The following HMCES variants were observed in gnomAD, a reference collection of about 807,000 sequenced individuals.
HMCES encodes the protein 5-hydroxymethylcytosine binding, ES cell specific, also known as abasic site processing protein HMCES.
HMCES carries 27 observed loss-of-function variants against 35.1 expected under a neutral mutation model. The ratio of observed to expected loss-of-function variants is 0.77; its 90% confidence interval spans 0.57 to 1.06. HMCES has a LOEUF of 1.06. Ranked by LOEUF, HMCES falls within the 50% of genes least tolerant of loss-of-function variation. HMCES has a pLI of 0.00. For missense variants in HMCES, 391 were observed against 430.4 expected, an observed-to-expected ratio of 0.91 and a Z score of 0.81; for synonymous variants, 130 against 154.7, an observed-to-expected ratio of 0.84 and a Z score of 1.18.
chr3:129,290,883 C>T (rs951975242), intron 4 of HMCES, 79 bp downstream of exon 4: 1 of 1,389,230 alleles, frequency 7.2e-7, no homozygotes, highest in African/African-American at 1.5e-5. Flanking sequence ...TTTTTTCTTC[C>T]CCATAGTTTT....
At chr3:129,280,572 T>C (rs1940445954) in intron 2 of HMCES, among the ~76,000 whole-genome samples, 1 of 152,258 alleles carries the variant, frequency 6.6e-6, no homozygotes, top group Non-Finnish European at 1.5e-5. Context: ...CAGACTTCTC[T>C]AGGCCTAGGA....
In HMCES at chr3:129,279,411, G is replaced by T. The variant is rs936405123; in HGVS notation, c.-23-299G>T. On this transcript the variant is annotated intron_variant, in intron 1 of 6. Coordinates refer to ENST00000383463, the MANE Select transcript of HMCES (RefSeq NM_020187.3). This position sits in a 1 kb window ranked among gnomAD's most constrained non-coding sequence, Gnocchi z 4.2. Reference sequence around the variant, plus strand: ...GAGGCGACCCCAGCTAGCTGCGCTTGCCCTGCTTCGCTGGACTGTGAAGCC... The same window carrying T: ...GAGGCGACCCCAGCTAGCTGCGCTTTCCCTGCTTCGCTGGACTGTGAAGCC... 1.3e-5 allele frequency among the ~76,000 whole-genome samples: 2 copies of T among 152,212 alleles called. No individual in the cohort carries two copies. Among genetic ancestry groups the T allele is most frequent in the African/African-American group, 2.4e-5 (1 of 41,476 alleles).
intron 2 of HMCES, among the ~76,000 whole-genome samples, chr3:129,288,611 G>A (rs1940705269): frequency 6.6e-6 from 1 of 151,154 alleles, no homozygotes; most frequent in Admixed American, 6.6e-5. Context: ...GTGGGAGGAT[G>A]GCTTGAGCCA....
chr3:129,290,577 C>A, intron 3 of HMCES, 102 bp from the exon 4 acceptor site: 1 of 1,325,020 alleles, frequency 7.5e-7, no homozygotes, highest in Admixed American at 1.9e-5. Context: ...AGCCACCCGC[C>A]TGGCCCAAAC....
At chr3:129,295,446 C>CA (rs569218866) in intron 4 of HMCES, among the ~76,000 whole-genome samples, 19 of 145,882 alleles carry the variant, frequency 1.3e-4, no homozygotes, top group South Asian at 1.1e-3. Flanking sequence ...AAAAAAAAAA[C>CA]AAAAAAAACC....
At chr3:129,290,624 C>T (rs2071001571) in intron 3 of HMCES, 55 bp from the exon 4 acceptor site, 3 of 1,566,194 alleles carry the variant, frequency 1.9e-6, no homozygotes, top group South Asian at 2.3e-5. Context: ...GTAATGGCAG[C>T]CTGTGAAACA....
In HMCES at chr3:129,279,660, C is replaced by G; in HGVS notation, c.-23-50C>G. 6.5e-7 allele frequency: 1 copy of G among 1,550,136 alleles called. No individual in the cohort carries two copies. The highest frequency in any genetic ancestry group is 1.9e-5 in the Admixed American group (1 of 53,766). On this transcript the variant is annotated intron_variant, in intron 1 of 6. Transcript: ENST00000383463. The surrounding 1 kb of genome is among the most constrained non-coding windows in gnomAD (Gnocchi z 4.2). Reference sequence around the variant, plus strand: ...GAAGGCGGGGACTCAAGGAATAAGACCTAATATTTGAGATACGTAAGCCTT... The same window carrying G: ...GAAGGCGGGGACTCAAGGAATAAGAGCTAATATTTGAGATACGTAAGCCTT...
At chr3:129,294,982 C>G (rs1327563283) in intron 4 of HMCES, among the ~76,000 whole-genome samples, 2 of 151,698 alleles carry the variant, frequency 1.3e-5, no homozygotes, top group African/African-American at 4.8e-5. Context: ...ACGGTGAAAC[C>G]CCATCTCTAC....
intron 6 of HMCES, among the ~76,000 whole-genome samples, chr3:129,302,750 A>G (rs2071185025): frequency 6.6e-6 from 1 of 152,056 alleles, no homozygotes. Context: ...GCAGTGGCTC[A>G]TGCCTGTAAT....
chr3:129,284,855 T>C (rs976321023), intron 2 of HMCES, among the ~76,000 whole-genome samples: 6 of 152,192 alleles, frequency 3.9e-5, no homozygotes, highest in East Asian at 1.9e-4. Context: ...GAGGTTGCAT[T>C]GAGCTGAGAT....
intron 2 of HMCES, 22 bp from the exon 3 acceptor site, chr3:129,288,819 TATGATCTCCTCAC>T: frequency 7.1e-7 from 1 of 1,417,286 alleles, no homozygotes. Flanking sequence ...AGAATTTCAT[TATGATCTCCTCAC>T]TAGATCTTCT....
At chr3:129,289,382 T>G (rs1940734491) in intron 3 of HMCES, among the ~76,000 whole-genome samples, 2 of 152,246 alleles carry the variant, frequency 1.3e-5, no homozygotes, top group Middle Eastern at 6.8e-3. Context: ...AGCTCGAGGG[T>G]GTCAGGGTAG....
rs1433992823 is a variant in HMCES, at chr3:129,304,821, A to G, written c.1061A>G (p.Gln354Arg). The G allele has an allele frequency of 6.2e-7, 1 of 1,613,486 alleles. No homozygotes were observed. The highest frequency in any genetic ancestry group is 1.3e-5 in the African/African-American group (1 of 74,934). ...EEPVAKRPYS[Q>R] ...CCTGTGGCCAAGCGTCCTTACAGCC[A>G]GTGACACAGGACTTTCAGAGACCAA... The change falls in exon 7 of 7, where the codon CAG becomes CGG. Residue 354 changes from glutamine to arginine, a missense_variant. Physicochemically the swap from Gln to Arg is conservative, Grantham distance 43. Coordinates refer to ENST00000383463, the MANE Select transcript of HMCES (RefSeq NM_020187.3).
At chr3:129,303,229 G>A (rs1306104311) in intron 6 of HMCES, among the ~76,000 whole-genome samples, 1 of 152,166 alleles carries the variant, frequency 6.6e-6, no homozygotes, top group Admixed American at 6.5e-5. Context: ...TTTAGGAGTA[G>A]TGATTGTTTT....
chr3:129,289,061 C>T, intron 3 of HMCES, 64 bp downstream of exon 3: 2 of 1,325,056 alleles, frequency 1.5e-6, no homozygotes, highest in Non-Finnish European at 2.0e-6. Context: ...AGGGTGTTTC[C>T]ATCCTAGCCT....
chr3:129,296,026 T>C (rs1205880033), intron 4 of HMCES, among the ~76,000 whole-genome samples: 3 of 152,190 alleles, frequency 2.0e-5, no homozygotes, highest in African/African-American at 7.2e-5. Flanking sequence ...TTTCTTTTTT[T>C]CTTCTCTGTT....
intron 2 of HMCES, among the ~76,000 whole-genome samples, 180 bp downstream of exon 2, chr3:129,280,095 A>C (rs1940428190): frequency 6.6e-6 from 1 of 152,174 alleles, no homozygotes; most frequent in South Asian, 2.1e-4. Context: ...AGTGGCTTCT[A>C]ACACTGATAA....
At chr3:129,298,172 C>G (rs888490742) in intron 4 of HMCES, among the ~76,000 whole-genome samples, 182 bp from the exon 5 acceptor site, 5 of 152,220 alleles carry the variant, frequency 3.3e-5, no homozygotes, top group Admixed American at 3.3e-4. Flanking sequence ...AGCCATGAAT[C>G]TATAGCTTCA....
intron 2 of HMCES, among the ~76,000 whole-genome samples, chr3:129,280,681 C>T (rs911974087): frequency 6.6e-6 from 1 of 152,010 alleles, no homozygotes; most frequent in Non-Finnish European, 1.5e-5. Flanking sequence ...TTGTGTTTGT[C>T]TTTTACTAAG....
Sources: allele counts gnomAD v4.1 joint callset (sites outside exome capture counted in the v4.1 genomes callset), GRCh38; gene constraint gnomAD v4.1.1; non-coding constraint Gnocchi (gnomAD v3.1); transcripts MANE v1.5; gene names NCBI Gene and HGNC (gene_info 2026-07-23, HGNC 2026-07-21).